Variants in KANSL1 observed in about 807,000 individuals in gnomAD.
KANSL1 encodes KAT8 regulatory NSL complex subunit 1.
In KANSL1, 22 loss-of-function variants were observed where a neutral mutation model predicts 103.6. The observed-to-expected ratio is 0.21, with a 90% CI of 0.15 to 0.30. The LOEUF is 0.30. KANSL1 is among the 10% of genes least tolerant of loss of function. The pLI is 1.00. For synonymous variants in KANSL1, 600 were observed against 527.6 expected (o/e 1.14, Z -1.88); for missense variants, 1,337 against 1,399.8 (o/e 0.96, Z 0.72).
chr17:46,158,691 C>T (rs1050049120), intron 2 of KANSL1, among the ~76,000 whole-genome samples: 7 of 152,212 alleles, frequency 4.6e-5, no homozygotes, highest in Non-Finnish European at 7.3e-5. Flanking sequence ...CAGGTGCCCG[C>T]CACCACACCC....
At chr17:46,152,236 A>G (rs2045146743) in intron 2 of KANSL1, among the ~76,000 whole-genome samples, 1 of 152,250 alleles carries the variant, frequency 6.6e-6, no homozygotes, top group Non-Finnish European at 1.5e-5. Flanking sequence ...CATTTTAAAC[A>G]AAAACTAGTA....
intron 1 of KANSL1, among the ~76,000 whole-genome samples, chr17:46,184,109 C>A (rs2046913733): frequency 6.6e-6 from 1 of 152,176 alleles, no homozygotes; most frequent in African/African-American, 2.4e-5. Context: ...ATTTAAACAT[C>A]TACTAAATGC....
rs943445403 is a variant in KANSL1 at position 46,170,923 on chromosome 17, T to C, written c.1221A>G (p.Ser407=). 4 of 1,614,170 alleles carry C rather than the reference T, an allele frequency of 2.5e-6. No homozygotes were observed. The South Asian group carries it at 3.3e-5, about 13-fold the overall frequency. The part of the protein sequence containing the change: ...AFDSDVTDSS[S]GGESDIEEEE... ...CCTCTTCAATATCAGACTCCCCTCC[T>C]GAACTACTGTCAGTGACATCTGAAT... Residue 407 remains serine, a synonymous_variant, in exon 2 of 15, where the codon TCA becomes TCG. Transcript: ENST00000432791.
At chr17:46,094,794 C>T (rs2041991772) in intron 2 of KANSL1, 93 bp from the exon 3 acceptor site, 1 of 1,415,672 alleles carries the variant, frequency 7.1e-7, no homozygotes, top group Non-Finnish European at 9.9e-7. Context: ...TTTAAAGGCC[C>T]TTGCAGAGAC....
chr17:46,038,182 C>G, intron 10 of KANSL1: 1 of 213,814 alleles, frequency 4.7e-6, no homozygotes, highest in Non-Finnish European at 9.2e-6. Flanking sequence ...TTGTTCACTT[C>G]TTGGGCCAAC....
At chr17:46,138,853 T>C (rs1321350102) in intron 2 of KANSL1, among the ~76,000 whole-genome samples, 1 of 152,180 alleles carries the variant, frequency 6.6e-6, no homozygotes, top group Admixed American at 6.5e-5. Context: ...TTCACAATAT[T>C]AGGAGAAGTC....
chr17:46,125,014 G>C (rs1484332031), intron 2 of KANSL1, among the ~76,000 whole-genome samples: 1 of 136,906 alleles, frequency 7.3e-6, no homozygotes, highest in East Asian at 2.2e-4. Flanking sequence ...AAAGGGAAGG[G>C]AAGGGAAGGG....
intron 1 of KANSL1, among the ~76,000 whole-genome samples, chr17:46,177,930 A>T (rs1287428418): frequency 2.6e-5 from 4 of 152,182 alleles, no homozygotes; most frequent in Non-Finnish European, 5.9e-5. Flanking sequence ...GGCGTCCGCC[A>T]CCACGCCCAG....
chr17:46,105,003 A>T (rs1250500043), intron 2 of KANSL1, among the ~76,000 whole-genome samples: 3 of 152,022 alleles, frequency 2.0e-5, no homozygotes, highest in African/African-American at 7.2e-5. Flanking sequence ...TTTTAGTAGA[A>T]ACAAGGTTTC....
At chr17:46,061,423 G>A (rs2078153996) in intron 6 of KANSL1, among the ~76,000 whole-genome samples, 1 of 151,972 alleles carries the variant, frequency 6.6e-6, no homozygotes, top group African/African-American at 2.4e-5. Flanking sequence ...ACTGGGCCAG[G>A]AAAAGAACAT....
chr17:46,091,803 A>AT, intron 3 of KANSL1, among the ~76,000 whole-genome samples: 1 of 151,932 alleles, frequency 6.6e-6, no homozygotes, highest in South Asian at 2.1e-4. Flanking sequence ...TTAAGTATGT[A>AT]TATATGTAAG....
At chr17:46,190,113 G>A (rs1204601514) in intron 1 of KANSL1, among the ~76,000 whole-genome samples, 1 of 152,192 alleles carries the variant, frequency 6.6e-6, no homozygotes, top group Non-Finnish European at 1.5e-5. Context: ...ATTAAAACCT[G>A]TGGTCAACTC....
rs2046916058 is a variant in KANSL1, at chr17:46,184,171, T to A, written c.-90+8652A>T. Reference sequence around the variant, plus strand: ...TAGGTGTGAAGGTAGCCTAGCTTGATAAAGTACTGTATTTCACCTGAAGGG... The same window carrying A: ...TAGGTGTGAAGGTAGCCTAGCTTGAAAAAGTACTGTATTTCACCTGAAGGG... On this transcript the variant is annotated intron_variant, in intron 1 of 14. Transcript: ENST00000432791. 1.3e-5 allele frequency among the ~76,000 whole-genome samples: 2 copies of A among 152,218 alleles called. 1 individual carries two copies. The highest frequency in any genetic ancestry group is 4.1e-4 in the South Asian group (2 of 4,832).
chr17:46,199,655 T>C (rs1178358405), intron 1 of KANSL1, among the ~76,000 whole-genome samples: 1 of 152,248 alleles, frequency 6.6e-6, no homozygotes, highest in Non-Finnish European at 1.5e-5. Flanking sequence ...CATAAAGATA[T>C]TATTTTGCCA....
intron 2 of KANSL1, among the ~76,000 whole-genome samples, chr17:46,102,760 T>C (rs530077875): frequency 6.6e-6 from 1 of 152,356 alleles, no homozygotes; most frequent in African/African-American, 2.4e-5. Flanking sequence ...AAGCAACTAT[T>C]AGTTACCAAG....
At chr17:46,098,300 TACC>T (rs2042166688) in intron 2 of KANSL1, among the ~76,000 whole-genome samples, 1 of 152,092 alleles carries the variant, frequency 6.6e-6, no homozygotes, top group African/African-American at 2.4e-5. Flanking sequence ...TTCCTAAAAC[TACC>T]ACCACACCAG....
chr17:46,186,380 T>C (rs2047036307), intron 1 of KANSL1, among the ~76,000 whole-genome samples: 1 of 143,048 alleles, frequency 7.0e-6, no homozygotes, highest in African/African-American at 2.5e-5. Flanking sequence ...CGAGACTGTG[T>C]CTCAAAAAAA....
intron 1 of KANSL1, among the ~76,000 whole-genome samples, chr17:46,188,701 A>C (rs2047148532): frequency 6.6e-6 from 1 of 152,174 alleles, no homozygotes; most frequent in South Asian, 2.1e-4. Flanking sequence ...AAAATGAAGA[A>C]AGAGTACAAC....
intron 2 of KANSL1, among the ~76,000 whole-genome samples, chr17:46,160,043 G>C (rs1258083079): frequency 6.6e-6 from 1 of 152,188 alleles, no homozygotes; most frequent in Non-Finnish European, 1.5e-5. Flanking sequence ...AGTTCCAGGA[G>C]TTATCTTCTA....
Sources: allele counts gnomAD v4.1 joint callset (sites outside exome capture counted in the v4.1 genomes callset), GRCh38; gene constraint gnomAD v4.1.1; transcripts MANE v1.5; gene names NCBI Gene and HGNC (gene_info 2026-07-23, HGNC 2026-07-21).